Variants in TRIM67 observed in about 807,000 individuals in gnomAD.
The protein encoded by TRIM67 is tripartite motif-containing protein 67.
TRIM67 carries 39 observed loss-of-function variants against 71.0 expected under a neutral mutation model. That is an observed-to-expected ratio of 0.55 (90% CI 0.43 to 0.72). The LOEUF (loss-of-function observed/expected upper bound fraction) is 0.72, where lower values mean the gene tolerates loss of function less well. Among genes scored for constraint, TRIM67 ranks in the 30% least tolerant of loss-of-function variants. The probability of loss-of-function intolerance (pLI) is 0.00; values close to 1 mark genes in which losing one functional copy is unlikely to be tolerated. For missense variants in TRIM67, 973 were observed against 1,079.2 expected (o/e 0.90, Z 1.38); for synonymous variants, 481 against 473.9 (o/e 1.01, Z -0.19).
At chr1:231,200,343 C>A in intron 4 of TRIM67, 85 bp downstream of exon 4, 1 of 829,058 alleles carries the variant, frequency 1.2e-6, no homozygotes, top group South Asian at 1.4e-5. Context: ...TAGGCAAGAT[C>A]CTTTCACGGC....
rs1159412360 is a variant in TRIM67, at chr1:231,216,420, C to G, written c.*980C>G. On this transcript the variant is annotated 3_prime_UTR_variant, in exon 10 of 10. Transcript: ENST00000366653. ...GTCTTCGCCTGGTGATGGCTCCTTT[C>G]TGAAACTGGCAGCCCAAGAAGTTAA... 1.0e-6 allele frequency: 1 copy of G among 985,296 alleles called. No homozygotes were observed. Among genetic ancestry groups the G allele is most frequent in the Admixed American group, 6.1e-5 (1 of 16,268 alleles). 61.0% of individuals were successfully genotyped at this position (985,296 alleles called of 1,614,324 possible).
chr1:231,206,943 C>T (rs1683719136), intron 7 of TRIM67, among the ~76,000 whole-genome samples, 153 bp downstream of exon 7: 1 of 152,158 alleles, frequency 6.6e-6, no homozygotes, highest in Non-Finnish European at 1.5e-5. Context: ...CTTCTGGGAC[C>T]ACAGGCGGGC....
intron 1 of TRIM67, among the ~76,000 whole-genome samples, chr1:231,179,526 C>T (rs546221226): frequency 2.2e-4 from 33 of 152,210 alleles, no homozygotes; most frequent in African/African-American, 7.2e-4. Flanking sequence ...TCACAGTGGT[C>T]GTTAACCCAT....
At chr1:231,176,252 CAGG>C (rs1682744734) in intron 1 of TRIM67, among the ~76,000 whole-genome samples, 1 of 152,316 alleles carries the variant, frequency 6.6e-6, no homozygotes, top group Non-Finnish European at 1.5e-5. Context: ...CAGCCTGCTG[CAGG>C]AGACCATTGT....
chr1:231,170,543 T>G (rs1367092255), intron 1 of TRIM67, among the ~76,000 whole-genome samples: 1 of 152,204 alleles, frequency 6.6e-6, no homozygotes, highest in East Asian at 1.9e-4. Context: ...TATTGTTATA[T>G]TTTTAGCCTG....
chr1:231,187,879 C>A (rs777004276), intron 1 of TRIM67, among the ~76,000 whole-genome samples: 57 of 152,150 alleles, frequency 3.7e-4, no homozygotes, highest in African/African-American at 1.2e-3. Flanking sequence ...GCACTCCAGA[C>A]GCCTAAGATG....
Position 231,163,416 on chromosome 1 carries a change from G to T in TRIM67, c.447G>T (p.Ser149=). The T allele has an allele frequency of 1.3e-6, 2 of 1,538,076 alleles. No individual in the cohort carries two copies. Among genetic ancestry groups the T allele is most frequent in the Non-Finnish European group, 1.7e-6 (2 of 1,145,644 alleles). Reference sequence around the variant, plus strand: ...CGGCTCGGGGTGCCGCCTGCTCCTCGCTGTCCTCGTCTTCGAGCTCCATCA... The same window carrying T: ...CGGCTCGGGGTGCCGCCTGCTCCTCTCTGTCCTCGTCTTCGAGCTCCATCA... ...AAAARGAACS[S]LSSSSSSITC... is the part of the protein sequence containing the mutation. The change falls in exon 1 of 10, where the codon TCG becomes TCT. Residue 149 remains serine (S), a synonymous_variant. Transcript: ENST00000366653.
rs201730748 is a variant in TRIM67 at position 231,213,818 on chromosome 1, G to A, written c.2127G>A (p.Thr709=). ...TTCCTGGGGACTCTCTTCCCAGGAC[G>A]GAAGGTGGCGTGTGCAAGGGGGCCA... ...FMHCNSHTNR[T]EGGVCKGATV... is the part of the protein sequence containing the mutation. The change falls in exon 9 of 10, where the codon ACG becomes ACA. Residue 709 remains threonine (T), a synonymous_variant. Transcript: ENST00000366653. 8.2e-6 allele frequency: 13 copies of A among 1,591,948 alleles called. No homozygotes were observed. The highest frequency in any genetic ancestry group is 4.5e-5 in the East Asian group (2 of 44,502).
intron 1 of TRIM67, among the ~76,000 whole-genome samples, chr1:231,179,170 C>T (rs549440607): frequency 1.3e-5 from 2 of 152,326 alleles, no homozygotes; most frequent in South Asian, 2.1e-4. Flanking sequence ...GCGGTGTTCC[C>T]TCTGAAGGGA....
chr1:231,203,601 G>T (rs1288177510), intron 5 of TRIM67, among the ~76,000 whole-genome samples: 1 of 152,228 alleles, frequency 6.6e-6, no homozygotes. Flanking sequence ...GCTCAGAGGG[G>T]TGGGGCCATC....
Position 231,218,333 on chromosome 1 carries a change from T to G in TRIM67, c.*2893T>G. 1.0e-6 allele frequency: 1 copy of G among 986,564 alleles called. No homozygotes were observed. Among genetic ancestry groups the G allele is most frequent in the Non-Finnish European group, 1.2e-6 (1 of 830,694 alleles). The allele number at this position is 986,564 out of a possible 1,614,324, so 61.1% of individuals were successfully genotyped here. ...GGGCTGGCTGAGGAGTAACTTGGTG[T>G]AAATCTATCAAGCAGTTTCAGTGAA... On this transcript the variant is annotated 3_prime_UTR_variant, in exon 10 of 10. Transcript: ENST00000366653.
intron 1 of TRIM67, among the ~76,000 whole-genome samples, chr1:231,185,582 A>G (rs1571881361): frequency 6.6e-6 from 1 of 151,934 alleles, no homozygotes; most frequent in East Asian, 1.9e-4. Context: ...ACCTTTGCCT[A>G]GGGGAGCCCA....
At chr1:231,192,174 C>G (rs1683246194) in intron 1 of TRIM67, among the ~76,000 whole-genome samples, 1 of 151,274 alleles carries the variant, frequency 6.6e-6, no homozygotes, top group Admixed American at 6.6e-5. Flanking sequence ...CTCTCCAGAT[C>G]TCCATCTGTC....
At chr1:231,181,622 GA>G (rs908884553) in intron 1 of TRIM67, among the ~76,000 whole-genome samples, 1 of 152,058 alleles carries the variant, frequency 6.6e-6, no homozygotes, top group African/African-American at 2.4e-5. Context: ...TGAGAAAAAA[GA>G]AAAAAACTTT....
In TRIM67 at chr1:231,203,829, G is replaced by A. The variant is rs181914186; in HGVS notation, c.1535-38G>A. On this transcript the variant is annotated intron_variant, in intron 5 of 9. Coordinates refer to ENST00000366653, the MANE Select transcript of TRIM67 (RefSeq NM_001004342.5). Reference sequence around the variant, plus strand: ...GGGGGACCGGGCTGGGGCCCTCGGAGGGCTTCCTGCGCTAACTCATGTGTG... The same window carrying A: ...GGGGGACCGGGCTGGGGCCCTCGGAAGGCTTCCTGCGCTAACTCATGTGTG... 218 of 1,595,088 alleles carry A rather than the reference G, an allele frequency of 1.4e-4. No individual in the cohort carries two copies. In the African/African-American group the frequency reaches 2.5e-3, roughly 18 times the overall value.
In TRIM67 at chr1:231,218,405, AAATAGTGCCTCTGT is replaced by A; in HGVS notation, c.*2969_*2982del. On this transcript the variant is annotated 3_prime_UTR_variant, in exon 10 of 10. Coordinates refer to ENST00000366653, the MANE Select transcript of TRIM67 (RefSeq NM_001004342.5). ...AAAATGTCGAGTTCCATTGCATTGT[AAATAGTGCCTCTGT>A]AATGTGGTTCTGCAGTTGTTCTTTG... 1.0e-6 allele frequency: 1 copy of A among 986,230 alleles called. No homozygotes were observed. The highest frequency in any genetic ancestry group is 1.2e-6 in the Non-Finnish European group (1 of 830,462). 61.1% of individuals were successfully genotyped at this position (986,230 alleles called of 1,614,324 possible).
At chr1:231,171,665 G>T (rs1370595438) in intron 1 of TRIM67, among the ~76,000 whole-genome samples, 1 of 152,078 alleles carries the variant, frequency 6.6e-6, no homozygotes, top group East Asian at 1.9e-4. Flanking sequence ...GAAACTGAGG[G>T]TTTCAAAATG....
chr1:231,166,858 A>C (rs1482298271), intron 1 of TRIM67, among the ~76,000 whole-genome samples: 2 of 152,218 alleles, frequency 1.3e-5, no homozygotes, highest in African/African-American at 4.8e-5. Flanking sequence ...TAACTGTTTC[A>C]AAGAGCTTCT....
Position 231,217,649 on chromosome 1 carries a change from G to A in TRIM67, c.*2209G>A, listed in dbSNP as rs1423329357. 5.2e-5 allele frequency: 60 copies of A among 1,159,622 alleles called. No individual in the cohort carries two copies. In the Middle Eastern group the frequency reaches 1.2e-3, roughly 23 times the overall value. 71.8% of individuals were successfully genotyped at this position (1,159,622 alleles called of 1,614,324 possible). ...GAGAGTGGGCTAGGCAGGGCTGCCT[G>A]GTGACAGCAGCTTCTCACAGGGGAG... On this transcript the variant is annotated 3_prime_UTR_variant, in exon 10 of 10. Coordinates refer to ENST00000366653, the MANE Select transcript of TRIM67 (RefSeq NM_001004342.5).
Sources: gnomAD v4.1 joint callset for allele counts (sites outside exome capture counted in the v4.1 genomes callset) on GRCh38, gnomAD v4.1.1 for gene constraint, MANE v1.5 for transcripts, NCBI Gene and HGNC (gene_info 2026-07-23, HGNC 2026-07-21) for gene names.